The following GDPD5 variants were observed in gnomAD, a reference collection of about 807,000 sequenced individuals.
The protein encoded by GDPD5 is glycerophosphodiester phosphodiesterase 2.
GDPD5 carries 48 observed loss-of-function variants against 75.1 expected under a neutral mutation model. The ratio of observed to expected loss-of-function variants is 0.64; its 90% CI spans 0.51 to 0.81. The LOEUF is 0.81. Ranked by LOEUF, GDPD5 falls within the 40% of genes least tolerant of loss-of-function variation. The pLI, the probability that GDPD5 is intolerant of heterozygous loss-of-function variation, is 0.00. For synonymous variants in GDPD5, 336 were observed against 339.0 expected (o/e 0.99, Z 0.10); for missense variants, 706 against 822.6 (o/e 0.86, Z 1.73).
At chr11:75,442,111 GATT>G (rs1370867664) in intron 12 of GDPD5, among the ~76,000 whole-genome samples, 1 of 152,218 alleles carries the variant, frequency 6.6e-6, no homozygotes, top group Non-Finnish European at 1.5e-5. Flanking sequence ...TCTGGTCCCA[GATT>G]ATTACACCAA....
At chr11:75,478,574 G>A (rs1949832190) in intron 2 of GDPD5, among the ~76,000 whole-genome samples, 1 of 152,140 alleles carries the variant, frequency 6.6e-6, no homozygotes, top group Admixed American at 6.5e-5. Flanking sequence ...AATATAACTT[G>A]CTTATTTTTC....
At chr11:75,515,141 C>T (rs72989929) in intron 1 of GDPD5, among the ~76,000 whole-genome samples, 20,269 of 152,222 alleles carry the variant, frequency 0.13, 1,455 homozygotes, top group South Asian at 0.22. Flanking sequence ...ACCTCAGATG[C>T]CTAGGTGTGA....
At chr11:75,519,260 C>T (rs1222385586) in intron 1 of GDPD5, among the ~76,000 whole-genome samples, 1 of 152,152 alleles carries the variant, frequency 6.6e-6, no homozygotes, top group African/African-American at 2.4e-5. Context: ...CAGTGCTGAT[C>T]TCACAGAGGT....
At chr11:75,492,864 C>T (rs1210802476) in intron 1 of GDPD5, among the ~76,000 whole-genome samples, 2 of 152,110 alleles carry the variant, frequency 1.3e-5, no homozygotes, top group African/African-American at 4.8e-5. Context: ...TCCCGAGTAG[C>T]TGCGATTACA....
chr11:75,475,308 G>A (rs1309268968), intron 3 of GDPD5, among the ~76,000 whole-genome samples: 3 of 152,126 alleles, frequency 2.0e-5, no homozygotes, highest in Non-Finnish European at 4.4e-5. Flanking sequence ...CGGGGGTGGT[G>A]AGAATAAGGA....
At chr11:75,474,764 G>A (rs1565202177) in intron 3 of GDPD5, among the ~76,000 whole-genome samples, 2 of 152,280 alleles carry the variant, frequency 1.3e-5, no homozygotes, top group Non-Finnish European at 2.9e-5. Context: ...GCCCAGGGCT[G>A]GATCATAACC....
At chr11:75,436,826 C>T in intron 16 of GDPD5, 110 bp downstream of exon 16, 5 of 789,814 alleles carry the variant, frequency 6.3e-6, no homozygotes, top group Middle Eastern at 5.4e-4. Flanking sequence ...GCCCTTGTCC[C>T]TACCCATATG....
Position 75,503,985 on chromosome 11 carries a change from C to T in GDPD5, c.-144-13665G>A, listed in dbSNP as rs1387513081. 1.3e-5 allele frequency among the ~76,000 whole-genome samples: 2 copies of T among 152,160 alleles called. 1 individual carries two copies. Among genetic ancestry groups the T allele is most frequent in the Non-Finnish European group, 2.9e-5 (2 of 68,026 alleles). On this transcript the variant is annotated intron_variant, in intron 1 of 16. Transcript: ENST00000336898. ...ATCTCAGGGACTGGAGGGGGAAGGT[C>T]CCCAGGCTGGAGAGCCAAGTTTAAT... is the stretch of plus-strand genomic sequence containing the variant.
In GDPD5 at chr11:75,435,396, G is replaced by A. The variant is rs574893404; in HGVS notation, c.*111C>T. The stretch of plus-strand genomic sequence containing the variant: ...CTGACAAGGGGCTGGAGCCCACAAG[G>A]AGGCTGTGGAGCCCGCTCCCAGAGC... On this transcript the variant is annotated 3_prime_UTR_variant, in exon 17 of 17. Transcript: ENST00000336898. The A allele has an allele frequency of 4.3e-5, 44 of 1,016,208 alleles. No homozygotes were observed. The highest frequency in any genetic ancestry group is 3.3e-4 in the Middle Eastern group (1 of 3,064). The allele number at this position is 1,016,208 out of a possible 1,614,324, so 62.9% of individuals were successfully genotyped here.
chr11:75,491,405 A>G (rs770741666), intron 1 of GDPD5, among the ~76,000 whole-genome samples: 1 of 152,196 alleles, frequency 6.6e-6, no homozygotes, highest in Non-Finnish European at 1.5e-5. Flanking sequence ...CTAAACTTTA[A>G]TGTTTGAGAA....
At chr11:75,496,548 CTG>C (rs1161914632) in intron 1 of GDPD5, among the ~76,000 whole-genome samples, 1 of 152,338 alleles carries the variant, frequency 6.6e-6, no homozygotes, top group East Asian at 1.9e-4. Flanking sequence ...CGTGACAGGA[CTG>C]TGTAAACTGT....
rs1291453784 is a variant in GDPD5, at chr11:75,449,969, G to A, written c.390C>T (p.Val130=). ...TGGCCACCACCGTGGAAGCCAGGATGACCACCAGCCCGATCTGGAGGGGGA... is the reference window on the plus strand; with the variant it reads ...TGGCCACCACCGTGGAAGCCAGGATAACCACCAGCCCGATCTGGAGGGGGA... ...LHWLHKIGLV[V]ILASTVVAMS... is the part of the protein sequence containing the mutation. Residue 130 remains valine, a synonymous_variant, in exon 7 of 17, where the codon GTC becomes GTT. Coordinates refer to ENST00000336898, the MANE Select transcript of GDPD5 (RefSeq NM_030792.8). The A allele has an allele frequency of 1.4e-5, 23 of 1,613,570 alleles. No homozygotes were observed. Among genetic ancestry groups the A allele is most frequent in the Non-Finnish European group, 1.8e-5 (21 of 1,180,016 alleles).
chr11:75,482,089 GACTAATTCCCACAT>G (rs1460102040), intron 2 of GDPD5, among the ~76,000 whole-genome samples: 1 of 152,062 alleles, frequency 6.6e-6, no homozygotes, highest in Non-Finnish European at 1.5e-5. Flanking sequence ...CTGCCCCTGG[GACTAATTCCCACAT>G]GTCCTCTGCC....
intron 1 of GDPD5, among the ~76,000 whole-genome samples, chr11:75,503,036 T>G (rs1472899766): frequency 6.6e-6 from 1 of 152,228 alleles, no homozygotes; most frequent in African/African-American, 2.4e-5. Flanking sequence ...TTTTTCTTTT[T>G]TTGAGACTGA....
At position 75,441,657 on chromosome 11, in the gene GDPD5, GC is replaced by G; in HGVS notation, c.1313del (p.Arg438ProfsTer12). 1 of 1,583,932 alleles carries G rather than the reference GC, an allele frequency of 6.3e-7. No homozygotes were observed. The highest frequency in any genetic ancestry group is 8.6e-7 in the Non-Finnish European group (1 of 1,166,314). On this transcript the variant is annotated frameshift_variant, in exon 13 of 17. Transcript: ENST00000336898. LOFTEE classifies it high-confidence loss of function. ...RLNLRYTQVS[R>X]QELRDYASWN... Reference sequence around the variant, plus strand: ...GGCAGGGCAGGCACCTGAGCTCCTGGCGGGACACCTGAGTGTAGCGCAGGTT... The same window carrying G: ...GGCAGGGCAGGCACCTGAGCTCCTGGGGGACACCTGAGTGTAGCGCAGGTT...
intron 2 of GDPD5, among the ~76,000 whole-genome samples, chr11:75,489,179 T>C (rs1950065950): frequency 1.0e-5 from 1 of 96,528 alleles, no homozygotes; most frequent in South Asian, 3.3e-4. Context: ...AAAAAAAAAT[T>C]ACAAAAAAAA....
At chr11:75,498,888 T>C (rs1327391103) in intron 1 of GDPD5, among the ~76,000 whole-genome samples, 5 of 152,016 alleles carry the variant, frequency 3.3e-5, no homozygotes, top group Admixed American at 1.3e-4. Flanking sequence ...CTCCAGCATC[T>C]TTGCCCCTGG....
chr11:75,505,988 C>A (rs1340063321), intron 1 of GDPD5, among the ~76,000 whole-genome samples: 1 of 152,254 alleles, frequency 6.6e-6, no homozygotes, highest in South Asian at 2.1e-4. Flanking sequence ...AGGAATGGGG[C>A]GGGGCAGTCC....
At chr11:75,494,931 A>C (rs1482772251) in intron 1 of GDPD5, among the ~76,000 whole-genome samples, 1 of 150,016 alleles carries the variant, frequency 6.7e-6, no homozygotes, top group African/African-American at 2.5e-5. Flanking sequence ...CAGCCTGGGC[A>C]ACAGAGTGAG....
Sources: allele counts gnomAD v4.1 joint callset (sites outside exome capture counted in the v4.1 genomes callset), GRCh38; gene constraint gnomAD v4.1.1; transcripts MANE v1.5; gene names NCBI Gene and HGNC (gene_info 2026-07-23, HGNC 2026-07-21).